Variants in MAFA observed in about 807,000 individuals in gnomAD.
MAFA encodes the protein MAF bZIP transcription factor A, also known as transcription factor MafA.
For synonymous variants in MAFA, 244 were observed against 260.3 expected (o/e 0.94, Z 0.60); for missense variants, 547 against 538.0 (o/e 1.02, Z -0.16).
rs775676368 is a variant in MAFA, at chr8:143,429,735, C to T, written c.672G>A (p.Glu224=). The part of the protein sequence containing the change: ...GGGAGHHVRL[E]ERFSDDQLVS... Reference sequence around the variant, plus strand: ...CCAGCTGGTCGTCGGAGAAGCGCTCCTCCAGGCGCACGTGGTGGCCCGCGC... The same window carrying T: ...CCAGCTGGTCGTCGGAGAAGCGCTCTTCCAGGCGCACGTGGTGGCCCGCGC... The change falls in exon 1 of 1, where the codon GAG becomes GAA. Residue 224 remains glutamate (E), a synonymous_variant. Transcript: ENST00000333480. The surrounding 1 kb of genome is among the most constrained non-coding windows in gnomAD (Gnocchi z 5.9). 1.3e-6 allele frequency: 2 copies of T among 1,548,682 alleles called. No homozygotes were observed. Among genetic ancestry groups the T allele is most frequent in the Non-Finnish European group, 1.7e-6 (2 of 1,154,082 alleles).
rs1471331056 is a variant in MAFA at position 143,429,596 on chromosome 8, A to C, written c.811T>G (p.Cys271Gly). The change falls in exon 1 of 1, where the codon TGC becomes GGC. Residue 271 changes from cysteine to glycine, a missense_variant. By Grantham distance (159) the Cys-to-Gly change is radical. Transcript: ENST00000333480. This position sits in a 1 kb window ranked among gnomAD's most constrained non-coding sequence, Gnocchi z 5.9. ...CGCTGCTGCACCCGCTTGAAGCGGC[A>C]GGACTGCGCGTAGCCGCGGTTCTTG... ...TLKNRGYAQSCRFKRVQQRHI... is the reference protein window; with the variant it reads ...TLKNRGYAQSGRFKRVQQRHI... 6.2e-7 allele frequency: 1 copy of C among 1,601,744 alleles called. No individual in the cohort carries two copies.
rs1349539139 is a variant in MAFA, at chr8:143,428,921, A to C, written c.*424T>G. 2 of 156,532 alleles carry C rather than the reference A, an allele frequency of 1.3e-5. No individual in the cohort carries two copies. The highest frequency in any genetic ancestry group is 2.8e-5 in the Non-Finnish European group (2 of 71,298). 9.7% of individuals were successfully genotyped at this position (156,532 alleles called of 1,614,324 possible). A position where few individuals can be genotyped will look rare whatever the true frequency, so the allele number is the denominator to read the frequency against. On this transcript the variant is annotated 3_prime_UTR_variant, in exon 1 of 1. Coordinates refer to ENST00000333480, the MANE Select transcript of MAFA (RefSeq NM_201589.4). ...GACCGATTTTAAAACGGGGAGGGGA[A>C]GTTAAAAAAGGCAAGGAAAGGGAGG...
Position 143,430,390 on chromosome 8 carries a change from G to C in MAFA, c.17C>G (p.Ala6Gly). MAAEL[A>G]MGAELPSSPL... is the part of the protein sequence containing the mutation. The stretch of plus-strand genomic sequence containing the variant: ...GCTGCTGGGCAGCTCGGCGCCCATC[G>C]CCAGCTCCGCGGCCATCGCCCGGGG... Residue 6 changes from alanine to glycine, a missense_variant, in exon 1 of 1, where the codon GCG (alanine) becomes GGG (glycine). By Grantham distance (60) the Ala-to-Gly change is moderately conservative. Coordinates refer to ENST00000333480, the MANE Select transcript of MAFA (RefSeq NM_201589.4). 1 of 1,373,404 alleles carries C rather than the reference G, an allele frequency of 7.3e-7. No individual in the cohort carries two copies. The highest frequency in any genetic ancestry group is 1.3e-5 in the South Asian group (1 of 74,400). 85.1% of individuals were successfully genotyped at this position (1,373,404 alleles called of 1,614,324 possible).
At position 143,429,261 on chromosome 8, in the gene MAFA, G is replaced by A; in HGVS notation, c.*84C>T. The A allele has an allele frequency of 7.8e-7, 1 of 1,274,232 alleles. No individual in the cohort carries two copies. Among genetic ancestry groups the A allele is most frequent in the Non-Finnish European group, 9.8e-7 (1 of 1,017,398 alleles). The allele number at this position is 1,274,232 out of a possible 1,614,324, so 78.9% of individuals were successfully genotyped here. ...GGGCCGGGCCTGGTGTCCACGTCCTGTACCGCGGAGTCCGAGCCGAGGCCC... is the reference window on the plus strand; with the variant it reads ...GGGCCGGGCCTGGTGTCCACGTCCTATACCGCGGAGTCCGAGCCGAGGCCC... On this transcript the variant is annotated 3_prime_UTR_variant, in exon 1 of 1. Coordinates refer to ENST00000333480, the MANE Select transcript of MAFA (RefSeq NM_201589.4). The surrounding 1 kb of genome is among the most constrained non-coding windows in gnomAD (Gnocchi z 5.9).
rs1282745212 is a variant in MAFA, at chr8:143,429,170, G to T, written c.*175C>A. Reference sequence around the variant, plus strand: ...GCGACCCGGGCCGACGCGCGCGAACGGGGACCGGGAGCGAAGGGGCCTCCA... The same window carrying T: ...GCGACCCGGGCCGACGCGCGCGAACTGGGACCGGGAGCGAAGGGGCCTCCA... On this transcript the variant is annotated 3_prime_UTR_variant, in exon 1 of 1. Coordinates refer to ENST00000333480, the MANE Select transcript of MAFA (RefSeq NM_201589.4). The surrounding 1 kb of genome is among the most constrained non-coding windows in gnomAD (Gnocchi z 5.9). 1.3e-6 allele frequency: 1 copy of T among 754,230 alleles called. No homozygotes were observed. Among genetic ancestry groups the T allele is most frequent in the Non-Finnish European group, 1.8e-6 (1 of 562,558 alleles). The allele number at this position is 754,230 out of a possible 1,614,324, so 46.7% of individuals were successfully genotyped here.
Position 143,429,365 on chromosome 8 carries a change from T to C in MAFA, c.1042A>G (p.Thr348Ala), listed in dbSNP as rs1402987085. The part of the protein sequence containing the change: ...PQAGPGGAKG[T>A]ADFFL ...GGCGCCTACAGGAAGAAGTCGGCCG[T>C]GCCCTTGGCCCCGCCGGGACCGGCC... Residue 348 changes from threonine (T) to alanine (A), a missense_variant, in exon 1 of 1, where the codon ACG becomes GCG. Physicochemically the swap from Thr to Ala is moderately conservative, Grantham distance 58 (BLOSUM62 0). Transcript: ENST00000333480. This position sits in a 1 kb window ranked among gnomAD's most constrained non-coding sequence, Gnocchi z 5.9. The C allele has an allele frequency of 2.2e-6, 3 of 1,388,880 alleles. No homozygotes were observed. The African/African-American group carries it at 4.6e-5, about 21-fold the overall frequency. The allele number at this position is 1,388,880 out of a possible 1,614,324, so 86.0% of individuals were successfully genotyped here. A position where few individuals can be genotyped will look rare whatever the true frequency, so the allele number is the denominator to read the frequency against.
chr8:143,430,390 G>T lies in MAFA; in HGVS notation c.17C>A (p.Ala6Glu), dbSNP rs779370771. 8.0e-6 allele frequency: 11 copies of T among 1,373,402 alleles called. No individual in the cohort carries two copies. Among genetic ancestry groups the T allele is most frequent in the Non-Finnish European group, 8.6e-6 (9 of 1,047,352 alleles). 85.1% of individuals were successfully genotyped at this position (1,373,402 alleles called of 1,614,324 possible). The stretch of plus-strand genomic sequence containing the variant: ...GCTGCTGGGCAGCTCGGCGCCCATC[G>T]CCAGCTCCGCGGCCATCGCCCGGGG... MAAELAMGAELPSSPL... is the reference protein window; with the variant it reads MAAELEMGAELPSSPL... Residue 6 changes from alanine (A) to glutamate (E), a missense_variant, in exon 1 of 1, where the codon GCG (alanine) becomes GAG (glutamate). By Grantham distance (107) the Ala-to-Glu change is moderately radical (BLOSUM62 -1). Coordinates refer to ENST00000333480, the MANE Select transcript of MAFA (RefSeq NM_201589.4).
At position 143,430,165 on chromosome 8, in the gene MAFA, G is replaced by A; in HGVS notation, c.242C>T (p.Ala81Val). Residue 81 changes from alanine (A) to valine (V), a missense_variant, in exon 1 of 1, where the codon GCG becomes GTG. Ala to Val is a moderately conservative substitution (Grantham distance 64). Coordinates refer to ENST00000333480, the MANE Select transcript of MAFA (RefSeq NM_201589.4). ...CTGAGACGAGCCGCCGCCGCCCCCCGCGCCGCCGCCGCCGCCGGTGCCCGG... is the reference window on the plus strand; with the variant it reads ...CTGAGACGAGCCGCCGCCGCCCCCCACGCCGCCGCCGCCGCCGGTGCCCGG... Reference protein sequence around the residue: ...PSPGTGGGGGAGGGGGSSQAG... With the variant: ...PSPGTGGGGGVGGGGGSSQAG... The A allele has an allele frequency of 9.0e-7, 1 of 1,105,378 alleles. No homozygotes were observed. Among genetic ancestry groups the A allele is most frequent in the Non-Finnish European group, 1.1e-6 (1 of 910,806 alleles). The allele number at this position is 1,105,378 out of a possible 1,614,324, so 68.5% of individuals were successfully genotyped here.
In MAFA at chr8:143,429,541, A is replaced by C; in HGVS notation, c.866T>G (p.Leu289Arg). ...RHILESEKCQLQSQVEQLKLE... is the reference protein window; with the variant it reads ...RHILESEKCQRQSQVEQLKLE... ...CTTCAGCTGCTCCACCTGGCTCTGG[A>C]GTTGGCACTTCTCGCTCTCCAGAAT... The change falls in exon 1 of 1, where the codon CTC becomes CGC. Residue 289 changes from leucine to arginine, a missense_variant. Transcript: ENST00000333480. The surrounding 1 kb of genome is among the most constrained non-coding windows in gnomAD (Gnocchi z 5.9). The C allele has an allele frequency of 1.9e-6, 3 of 1,605,412 alleles. No individual in the cohort carries two copies. The highest frequency in any genetic ancestry group is 2.5e-6 in the Non-Finnish European group (3 of 1,179,512).
chr8:143,429,764 C>G lies in MAFA; in HGVS notation c.643G>C (p.Gly215Arg). 6.5e-7 allele frequency: 1 copy of G among 1,530,796 alleles called. No individual in the cohort carries two copies. The highest frequency in any genetic ancestry group is 8.7e-7 in the Non-Finnish European group (1 of 1,145,456). The allele number at this position is 1,530,796 out of a possible 1,614,324, so 94.8% of individuals were successfully genotyped here. A position where few individuals can be genotyped will look rare whatever the true frequency, so the allele number is the denominator to read the frequency against. ...HHHHGGAGHG[G>R]GAGHHVRLEE... ...AGGCGCACGTGGTGGCCCGCGCCACCGCCGTGTCCCGCGCCGCCATGGTGG... is the reference window on the plus strand; with the variant it reads ...AGGCGCACGTGGTGGCCCGCGCCACGGCCGTGTCCCGCGCCGCCATGGTGG... Residue 215 changes from glycine (G) to arginine (R), a missense_variant, in exon 1 of 1, where the codon GGT becomes CGT. Physicochemically the swap from Gly to Arg is moderately radical, Grantham distance 125. Transcript: ENST00000333480. This position sits in a 1 kb window ranked among gnomAD's most constrained non-coding sequence, Gnocchi z 5.9.
At position 143,429,164 on chromosome 8, in the gene MAFA, G is replaced by T; in HGVS notation, c.*181C>A. ...AGGACGGCGACCCGGGCCGACGCGC[G>T]CGAACGGGGACCGGGAGCGAAGGGG... On this transcript the variant is annotated 3_prime_UTR_variant, in exon 1 of 1. Coordinates refer to ENST00000333480, the MANE Select transcript of MAFA (RefSeq NM_201589.4). This position sits in a 1 kb window ranked among gnomAD's most constrained non-coding sequence, Gnocchi z 5.9. The T allele has an allele frequency of 1.4e-6, 1 of 702,890 alleles. No homozygotes were observed. Among genetic ancestry groups the T allele is most frequent in the Non-Finnish European group, 1.9e-6 (1 of 515,792 alleles). 43.5% of individuals were successfully genotyped at this position (702,890 alleles called of 1,614,324 possible).
chr8:143,430,345 A>G lies in MAFA; in HGVS notation c.62T>C (p.Val21Ala). The change falls in exon 1 of 1, where the codon GTC becomes GCC. Residue 21 changes from valine to alanine, a missense_variant. Physicochemically the swap from Val to Ala is moderately conservative, Grantham distance 64. Transcript: ENST00000333480. ...GAACTTCATCAGGTCGAAGTCGTTG[A>G]CGTACTCGATGGCCAGCGGGCTGCT... ...LPSSPLAIEY[V>A]NDFDLMKFEV... The G allele has an allele frequency of 6.9e-7, 1 of 1,445,376 alleles. No individual in the cohort carries two copies. Among genetic ancestry groups the G allele is most frequent in the Non-Finnish European group, 9.2e-7 (1 of 1,084,386 alleles). The allele number at this position is 1,445,376 out of a possible 1,614,324, so 89.5% of individuals were successfully genotyped here.
Position 143,430,687 on chromosome 8 carries a change from T to TCCCGCG in MAFA, c.-287_-282dup, listed in dbSNP as rs1819528900. ...CCGCCTCGGGCTGCTCCGGGACCGC[T>TCCCGCG]CCCGCGCCCCACCCGCGCCGCCGGC... is the stretch of plus-strand genomic sequence containing the variant. On this transcript the variant is annotated 5_prime_UTR_variant, in exon 1 of 1. Transcript: ENST00000333480. Among the ~76,000 whole-genome samples the TCCCGCG allele has an allele frequency of 6.9e-6, 1 of 145,458 alleles. No individual in the cohort carries two copies. Among genetic ancestry groups the TCCCGCG allele is most frequent in the Non-Finnish European group, 1.5e-5 (1 of 65,828 alleles).
Position 143,429,368 on chromosome 8 carries a change from C to T in MAFA, c.1039G>A (p.Gly347Ser). 7.1e-7 allele frequency: 1 copy of T among 1,399,702 alleles called. No individual in the cohort carries two copies. Among genetic ancestry groups the T allele is most frequent in the Non-Finnish European group, 9.2e-7 (1 of 1,087,826 alleles). The allele number at this position is 1,399,702 out of a possible 1,614,324, so 86.7% of individuals were successfully genotyped here. Residue 347 changes from glycine to serine, a missense_variant, in exon 1 of 1, where the codon GGC becomes AGC. Physicochemically the swap from Gly to Ser is moderately conservative, Grantham distance 56 (BLOSUM62 0). Transcript: ENST00000333480. This position sits in a 1 kb window ranked among gnomAD's most constrained non-coding sequence, Gnocchi z 5.9. Reference protein sequence around the residue: ...PPQAGPGGAKGTADFFL With the variant: ...PPQAGPGGAKSTADFFL Reference sequence around the variant, plus strand: ...GCCTACAGGAAGAAGTCGGCCGTGCCCTTGGCCCCGCCGGGACCGGCCTGC... The same window carrying T: ...GCCTACAGGAAGAAGTCGGCCGTGCTCTTGGCCCCGCCGGGACCGGCCTGC...
chr8:143,429,931 G>T lies in MAFA; in HGVS notation c.476C>A (p.Ala159Asp). 8 of 1,261,444 alleles carry T rather than the reference G, an allele frequency of 6.3e-6. No individual in the cohort carries two copies. The highest frequency in any genetic ancestry group is 7.9e-6 in the Non-Finnish European group (8 of 1,006,476). 78.1% of individuals were successfully genotyped at this position (1,261,444 alleles called of 1,614,324 possible). A position where few individuals can be genotyped will look rare whatever the true frequency, so the allele number is the denominator to read the frequency against. The change falls in exon 1 of 1, where the codon GCC (alanine) becomes GAC (aspartate). Residue 159 changes from alanine (A) to aspartate (D), a missense_variant. Coordinates refer to ENST00000333480, the MANE Select transcript of MAFA (RefSeq NM_201589.4). The surrounding 1 kb of genome is among the most constrained non-coding windows in gnomAD (Gnocchi z 5.9). ...GAHHGAHHPA[A>D]AAAYEAFRGP... ...GCGGAAAGCCTCGTAGGCTGCGGCG[G>T]CCGCCGGGTGGTGCGCGCCGTGGTG...
chr8:143,430,452 GT>G lies in MAFA; in HGVS notation c.-47del, dbSNP rs1277003665. Reference sequence around the variant, plus strand: ...CCGCGCCCCGACGGGCGGCGTGGGAGTGGGGGGGGAGCTGCAGGCCTCTCCC... The same window carrying G: ...CCGCGCCCCGACGGGCGGCGTGGGAGGGGGGGGGAGCTGCAGGCCTCTCCC... On this transcript the variant is annotated 5_prime_UTR_variant, in exon 1 of 1. Coordinates refer to ENST00000333480, the MANE Select transcript of MAFA (RefSeq NM_201589.4). 138 of 908,728 alleles carry G rather than the reference GT, an allele frequency of 1.5e-4. No individual in the cohort carries two copies. Among genetic ancestry groups the G allele is most frequent in the Non-Finnish European group, 1.8e-4 (133 of 725,064 alleles). The allele number at this position is 908,728 out of a possible 1,614,324, so 56.3% of individuals were successfully genotyped here.
Position 143,430,461 on chromosome 8 carries a change from G to A in MAFA, c.-55C>T, listed in dbSNP as rs936048787. The A allele has an allele frequency of 2.1e-5, 16 of 768,254 alleles. No individual in the cohort carries two copies. Among genetic ancestry groups the A allele is most frequent in the Middle Eastern group, 5.5e-4 (1 of 1,804 alleles). The allele number at this position is 768,254 out of a possible 1,614,324, so 47.6% of individuals were successfully genotyped here. On this transcript the variant is annotated 5_prime_UTR_variant, in exon 1 of 1. Transcript: ENST00000333480. ...GACGGGCGGCGTGGGAGTGGGGGGG[G>A]AGCTGCAGGCCTCTCCCCCCCCTGC...
chr8:143,430,088 T>G lies in MAFA; in HGVS notation c.319A>C (p.Thr107Pro). The G allele has an allele frequency of 8.4e-7, 1 of 1,190,424 alleles. No homozygotes were observed. Among genetic ancestry groups the G allele is most frequent in the Non-Finnish European group, 1.0e-6 (1 of 956,158 alleles). The allele number at this position is 1,190,424 out of a possible 1,614,324, so 73.7% of individuals were successfully genotyped here. A position where few individuals can be genotyped will look rare whatever the true frequency, so the allele number is the denominator to read the frequency against. The change falls in exon 1 of 1, where the codon ACC (threonine) becomes CCC (proline). Residue 107 changes from threonine (T) to proline (P), a missense_variant. By Grantham distance (38) the Thr-to-Pro change is conservative (BLOSUM62 -1). Coordinates refer to ENST00000333480, the MANE Select transcript of MAFA (RefSeq NM_201589.4). ...PSGGPGAVGG[T>P]SGKPALEDLY... ...TCCTCCAGCGCCGGCTTCCCCGAGG[T>G]GCCCCCGACGGCGCCGGGGCCCCCG...
Position 143,429,006 on chromosome 8 carries a change from C to T in MAFA, c.*339G>A. 1 of 191,576 alleles carries T rather than the reference C, an allele frequency of 5.2e-6. No homozygotes were observed. The highest frequency in any genetic ancestry group is 1.1e-5 in the Non-Finnish European group (1 of 94,492). 11.9% of individuals were successfully genotyped at this position (191,576 alleles called of 1,614,324 possible). ...GGGGCCACCCGGGAAGGGACGGCAGCGCGGTCCCTCTAGGCTGGCAGGGCG... is the reference window on the plus strand; with the variant it reads ...GGGGCCACCCGGGAAGGGACGGCAGTGCGGTCCCTCTAGGCTGGCAGGGCG... On this transcript the variant is annotated 3_prime_UTR_variant, in exon 1 of 1. Coordinates refer to ENST00000333480, the MANE Select transcript of MAFA (RefSeq NM_201589.4). This position sits in a 1 kb window ranked among gnomAD's most constrained non-coding sequence, Gnocchi z 5.9.
Sources: allele counts gnomAD v4.1 joint callset (sites outside exome capture counted in the v4.1 genomes callset), GRCh38; gene constraint gnomAD v4.1.1; non-coding constraint Gnocchi (gnomAD v3.1); transcripts MANE v1.5; gene names NCBI Gene and HGNC (gene_info 2026-07-23, HGNC 2026-07-21).